Variants in MYT1L observed in about 807,000 individuals in gnomAD.
MYT1L encodes myelin transcription factor 1-like protein.
Under a neutral mutation model 126.7 loss-of-function variants are expected in MYT1L, and 12 were observed. The observed-to-expected ratio is 0.09, with a 90% confidence interval of 0.06 to 0.15. The LOEUF is 0.15. Ranked by LOEUF, MYT1L falls within the 10% of genes least tolerant of loss-of-function variation. The probability of loss-of-function intolerance (pLI) is 1.00; values close to 1 mark genes in which losing one functional copy is unlikely to be tolerated. For missense variants in MYT1L, 979 were observed against 1,585.2 expected, an observed-to-expected ratio of 0.62 and a Z score of 6.49; for synonymous variants, 541 against 604.2, an observed-to-expected ratio of 0.90 and a Z score of 1.53.
At chr2:2,016,503 C>G (rs998046618) in intron 4 of MYT1L, among the ~76,000 whole-genome samples, 1 of 152,184 alleles carries the variant, frequency 6.6e-6, no homozygotes, top group Admixed American at 6.5e-5. Context: ...CTAAATGCTG[C>G]CAAGCCAGAC....
intron 5 of MYT1L, among the ~76,000 whole-genome samples, chr2:1,995,983 G>A (rs1318464254): frequency 2.0e-5 from 3 of 152,234 alleles, no homozygotes; most frequent in Admixed American, 2.0e-4. Flanking sequence ...TGATATGGAA[G>A]AGGAGAGGGG....
intron 1 of MYT1L, chr2:2,325,814 G>A (rs1456383909): frequency 1.3e-5 from 2 of 152,292 alleles, no homozygotes; most frequent in African/African-American, 4.8e-5. Flanking sequence ...TGAAGGAGAA[G>A]CTCTTTTGAG....
At chr2:1,831,248 C>T (rs563221891) in intron 21 of MYT1L, among the ~76,000 whole-genome samples, 138 of 143,480 alleles carry the variant, frequency 9.6e-4, no homozygotes, top group African/African-American at 1.5e-3. Flanking sequence ...TGAGGACCCC[C>T]AGCTCCCCAG....
intron 1 of MYT1L, among the ~76,000 whole-genome samples, chr2:2,292,212 C>T (rs543858571): frequency 9.9e-5 from 15 of 152,198 alleles, no homozygotes; most frequent in African/African-American, 3.6e-4. Context: ...GGGCCTGCAG[C>T]TCTGGGGTCC....
intron 3 of MYT1L, among the ~76,000 whole-genome samples, chr2:2,057,939 C>T (rs942347556): frequency 2.2e-4 from 34 of 152,206 alleles, no homozygotes; most frequent in Non-Finnish European, 4.0e-4. Flanking sequence ...ACATTTCCAT[C>T]TCTCTGGGAT....
At chr2:1,957,408 C>G (rs562604016) in intron 8 of MYT1L, among the ~76,000 whole-genome samples, 2 of 151,442 alleles carry the variant, frequency 1.3e-5, no homozygotes, top group Admixed American at 1.3e-4. Flanking sequence ...GTCTTTTATC[C>G]CTCCCCCTCC....
At position 1,887,458 on chromosome 2, in the gene MYT1L, A is replaced by G; in HGVS notation, c.2642+30T>C. On this transcript the variant is annotated intron_variant, in intron 17 of 24. Transcript: ENST00000647738. The surrounding 1 kb of genome is among the most constrained non-coding windows in gnomAD (Gnocchi z 4.8). Reference sequence around the variant, plus strand: ...GCCAAAGAATGGGAAGATTAAGAAGATTCATAATTTCACCTCACAGCATGC... The same window carrying G: ...GCCAAAGAATGGGAAGATTAAGAAGGTTCATAATTTCACCTCACAGCATGC... The G allele has an allele frequency of 6.8e-6, 11 of 1,613,254 alleles. No homozygotes were observed. Among genetic ancestry groups the G allele is most frequent in the Non-Finnish European group, 8.5e-6 (10 of 1,179,280 alleles).
At chr2:2,112,652 C>T (rs1369577963) in intron 3 of MYT1L, among the ~76,000 whole-genome samples, 2 of 152,104 alleles carry the variant, frequency 1.3e-5, no homozygotes, top group African/African-American at 4.8e-5. Context: ...TATCAGCACT[C>T]AGGCAACACT....
rs902683761 is a variant in MYT1L, at chr2:1,943,880, G to A, written c.153-546C>T. ...TTGATAACCTCCTGAAACAAGATGA[G>A]CCCTAGGGCTTGTCAATGTTGTATG... On this transcript the variant is annotated intron_variant, in intron 8 of 24. Coordinates refer to ENST00000647738, the MANE Select transcript of MYT1L (RefSeq NM_001303052.2). This position sits in a 1 kb window ranked among gnomAD's most constrained non-coding sequence, Gnocchi z 4.4. Among the ~76,000 whole-genome samples the A allele has an allele frequency of 1.3e-5, 2 of 152,166 alleles. No individual in the cohort carries two copies. Among genetic ancestry groups the A allele is most frequent in the Non-Finnish European group, 2.9e-5 (2 of 68,024 alleles).
chr2:2,312,567 T>C (rs1006739689), intron 1 of MYT1L, among the ~76,000 whole-genome samples: 1 of 152,080 alleles, frequency 6.6e-6, no homozygotes, highest in Non-Finnish European at 1.5e-5. Context: ...GAGCTGTGAT[T>C]GCACCATGGC....
At chr2:1,940,541 C>G (rs1056301373) in intron 9 of MYT1L, among the ~76,000 whole-genome samples, 1 of 150,714 alleles carries the variant, frequency 6.6e-6, no homozygotes, top group Non-Finnish European at 1.5e-5. Flanking sequence ...CTCAACATCT[C>G]CCTGTGGCTG....
chr2:2,005,972 AGGTG>A (rs2063275728), intron 4 of MYT1L, among the ~76,000 whole-genome samples: 1 of 145,646 alleles, frequency 6.9e-6, no homozygotes, highest in African/African-American at 2.6e-5. Context: ...TCTTTCCTGC[AGGTG>A]TTCTTTCCTG....
intron 4 of MYT1L, among the ~76,000 whole-genome samples, chr2:2,049,009 T>C (rs540930530): frequency 6.6e-6 from 1 of 152,328 alleles, no homozygotes; most frequent in Non-Finnish European, 1.5e-5. Flanking sequence ...TAACTATCCA[T>C]AATATTTTAT....
chr2:1,926,908 A>T (rs35577813), intron 9 of MYT1L, among the ~76,000 whole-genome samples: 4,385 of 152,364 alleles, frequency 0.029, 94 homozygotes, highest in Non-Finnish European at 0.046. Context: ...GTGATAAAAG[A>T]GCAATTTATC....
intron 18 of MYT1L, among the ~76,000 whole-genome samples, chr2:1,860,394 G>C (rs2044436916): frequency 6.6e-6 from 1 of 152,184 alleles, no homozygotes; most frequent in African/African-American, 2.4e-5. Context: ...TCGCGTGGAA[G>C]AGTGAGTTTC....
chr2:2,280,938 G>A (rs74882163), intron 2 of MYT1L, among the ~76,000 whole-genome samples: 19,367 of 152,176 alleles, frequency 0.13, 1,581 homozygotes, highest in Admixed American at 0.26. Context: ...GGCCATAGGG[G>A]ACACACTAGG....
At chr2:2,132,954 C>T (rs1205444561) in intron 3 of MYT1L, among the ~76,000 whole-genome samples, 1 of 152,128 alleles carries the variant, frequency 6.6e-6, no homozygotes, top group Non-Finnish European at 1.5e-5. Context: ...ACTCCAGCCC[C>T]TCTTCTTTGC....
intron 4 of MYT1L, among the ~76,000 whole-genome samples, chr2:2,011,140 G>A (rs2063778946): frequency 1.3e-5 from 2 of 152,154 alleles, no homozygotes; most frequent in Non-Finnish European, 2.9e-5. Flanking sequence ...TGTCATCCCA[G>A]CACTTTGGGA....
intron 23 of MYT1L, chr2:1,795,795 G>A (rs571007988): frequency 3.3e-5 from 5 of 152,262 alleles, no homozygotes; most frequent in African/African-American, 1.2e-4. Context: ...CTAGGAAGCA[G>A]TGCATTCCCG....
Sources: gnomAD v4.1 joint callset for allele counts (sites outside exome capture counted in the v4.1 genomes callset) on GRCh38, gnomAD v4.1.1 for gene constraint, Gnocchi (gnomAD v3.1) non-coding constraint, MANE v1.5 for transcripts, NCBI Gene and HGNC (gene_info 2026-07-23, HGNC 2026-07-21) for gene names.